Variants in PDHX observed in about 807,000 individuals in gnomAD.
The protein encoded by PDHX is pyruvate dehydrogenase protein X component, mitochondrial.
In PDHX, 33 loss-of-function variants were observed where a neutral mutation model predicts 55.3. The ratio of observed to expected loss-of-function variants is 0.60; its 90% confidence interval spans 0.45 to 0.80. The LOEUF (loss-of-function observed/expected upper bound fraction) is 0.80, where lower values mean the gene tolerates loss of function less well. Among genes scored for constraint, PDHX ranks in the 30% least tolerant of loss-of-function variants. The probability of loss-of-function intolerance (pLI) is 0.00; values close to 1 mark genes in which losing one functional copy is unlikely to be tolerated. For missense variants in PDHX, 622 were observed against 619.9 expected (o/e 1.00, Z -0.04); for synonymous variants, 226 against 219.4 (o/e 1.03, Z -0.27).
intron 2 of PDHX, among the ~76,000 whole-genome samples, chr11:34,936,798 TTTTTTTTC>T (rs1441368473): frequency 4.6e-5 from 6 of 129,070 alleles, no homozygotes; most frequent in African/African-American, 1.9e-4. Flanking sequence ...TTTTTTTTTT[TTTTTTTTC>T]TGAGACAGAG....
At chr11:34,916,138 G>T, upstream of PDHX, 4 of 1,512,326 alleles carry the variant, frequency 2.6e-6, no homozygotes, top group Middle Eastern at 2.3e-4. Flanking sequence ...CTAAACGCCC[G>T]GCCCGCTACC....
In PDHX at chr11:34,995,431, G is replaced by T. The variant is rs771515806; in HGVS notation, c.*259G>T. 5.8e-5 allele frequency: 25 copies of T among 434,056 alleles called. No individual in the cohort carries two copies. Among genetic ancestry groups the T allele is most frequent in the Non-Finnish European group, 9.4e-5 (22 of 234,438 alleles). The allele number at this position is 434,056 out of a possible 1,614,324, so 26.9% of individuals were successfully genotyped here. A position where few individuals can be genotyped will look rare whatever the true frequency, so the allele number is the denominator to read the frequency against. ...AGATCCATTTTTAACCTCTGGTGCTGTATAAAGGGAATATTAAACTAGATG... is the reference window on the plus strand; with the variant it reads ...AGATCCATTTTTAACCTCTGGTGCTTTATAAAGGGAATATTAAACTAGATG... On this transcript the variant is annotated 3_prime_UTR_variant, in exon 11 of 11. Coordinates refer to ENST00000227868, the MANE Select transcript of PDHX (RefSeq NM_003477.3).
At chr11:34,919,533 ATT>A (rs1205846983) in intron 1 of PDHX, among the ~76,000 whole-genome samples, 1 of 152,184 alleles carries the variant, frequency 6.6e-6, no homozygotes, top group Non-Finnish European at 1.5e-5. Context: ...AGAATTTCTC[ATT>A]CACTTCTCAC....
rs542745389 is a variant in PDHX at position 34,953,443 on chromosome 11, A to G, written c.343-3941A>G. Among the ~76,000 whole-genome samples the G allele has an allele frequency of 5.1e-4, 77 of 152,356 alleles. 1 individual carries two copies. Among genetic ancestry groups the G allele is most frequent in the African/African-American group, 1.6e-3 (68 of 41,588 alleles). On this transcript the variant is annotated intron_variant, in intron 3 of 10. Transcript: ENST00000227868. ...ATCATGCTACGTGACTTCAAAGTATACTACAAGGCTACAGTAACCAAAACA... is the reference window on the plus strand; with the variant it reads ...ATCATGCTACGTGACTTCAAAGTATGCTACAAGGCTACAGTAACCAAAACA...
intron 9 of PDHX, among the ~76,000 whole-genome samples, chr11:34,986,297 C>T (rs1350450281): frequency 1.7e-5 from 2 of 120,460 alleles, no homozygotes; most frequent in Non-Finnish European, 3.3e-5. Flanking sequence ...CAGAGCAAGA[C>T]ACTGTATCTC....
intron 1 of PDHX, among the ~76,000 whole-genome samples, chr11:34,920,449 C>T (rs1853847165): frequency 6.6e-6 from 1 of 152,120 alleles, no homozygotes; most frequent in African/African-American, 2.4e-5. Flanking sequence ...TAAAAGAACA[C>T]TAGAGCCTAC....
At chr11:34,992,511 G>A (rs1244832887) in intron 10 of PDHX, 132 bp downstream of exon 10, 2 of 600,200 alleles carry the variant, frequency 3.3e-6, no homozygotes, top group African/African-American at 3.7e-5. Context: ...TTAGACAATA[G>A]AATATCTGAA....
intron 5 of PDHX, among the ~76,000 whole-genome samples, chr11:34,962,833 T>C (rs547822440): frequency 3.9e-5 from 6 of 152,348 alleles, no homozygotes; most frequent in African/African-American, 1.2e-4. Context: ...GCAAATATCT[T>C]TTTTTAAACC....
intron 3 of PDHX, among the ~76,000 whole-genome samples, chr11:34,956,974 T>A (rs1854917439): frequency 6.6e-6 from 1 of 152,230 alleles, no homozygotes; most frequent in Non-Finnish European, 1.5e-5. Flanking sequence ...TAATCCCTTC[T>A]GAGCTTTTAG....
At chr11:34,957,321 A>G (rs893473061) in intron 3 of PDHX, 63 bp from the exon 4 acceptor site, 8 of 1,138,902 alleles carry the variant, frequency 7.0e-6, no homozygotes, top group African/African-American at 1.5e-5. Flanking sequence ...CAACAAAAGA[A>G]CAAACTACTT....
intron 3 of PDHX, among the ~76,000 whole-genome samples, chr11:34,952,832 T>C (rs1854808833): frequency 6.7e-6 from 1 of 149,720 alleles, no homozygotes; most frequent in Admixed American, 6.6e-5. Flanking sequence ...TGTTGGAAGT[T>C]CTGGCCAGGG....
chr11:34,916,466 G>A, upstream of PDHX: 1 of 1,461,934 alleles, frequency 6.8e-7, no homozygotes. Flanking sequence ...ATATCCAGCG[G>A]CGCACCTGAC....
chr11:34,982,602 T>C (rs1855542090), intron 8 of PDHX, among the ~76,000 whole-genome samples: 1 of 151,882 alleles, frequency 6.6e-6, no homozygotes, highest in South Asian at 2.1e-4. Context: ...TCACCACCGA[T>C]CCCACAGAAA....
At chr11:34,982,141 C>T (rs181981417) in intron 8 of PDHX, among the ~76,000 whole-genome samples, 2,471 of 152,240 alleles carry the variant, frequency 0.016, 64 homozygotes, top group African/African-American at 0.057. Flanking sequence ...TTAGGTCTAA[C>T]ATTTAAGTCT....
chr11:34,966,743 G>A lies in PDHX; in HGVS notation c.745G>A (p.Ala249Thr). The change falls in exon 6 of 11, where the codon GCC becomes ACC. Residue 249 changes from alanine to threonine, a missense_variant. Transcript: ENST00000227868. ...TCCCACAGCACCTTCGCCCCTACAGGCCACAGCTGGACCATCTTATCCCCG... is the reference window on the plus strand; with the variant it reads ...TCCCACAGCACCTTCGCCCCTACAGACCACAGCTGGACCATCTTATCCCCG... ...ATPTAPSPLQ[A>T]TAGPSYPRPV... 1 of 1,614,076 alleles carries A rather than the reference G, an allele frequency of 6.2e-7. No individual in the cohort carries two copies. Among genetic ancestry groups the A allele is most frequent in the Non-Finnish European group, 8.5e-7 (1 of 1,180,000 alleles).
intron 6 of PDHX, 38 bp from the exon 7 acceptor site, chr11:34,970,101 A>G (rs998869343): frequency 1.3e-6 from 2 of 1,595,394 alleles, no homozygotes; most frequent in Non-Finnish European, 1.7e-6. Flanking sequence ...TTTCTATTCC[A>G]CTTGTGGTTT....
intron 7 of PDHX, among the ~76,000 whole-genome samples, chr11:34,975,829 G>T (rs1565166850): frequency 6.6e-6 from 1 of 152,154 alleles, no homozygotes; most frequent in Non-Finnish European, 1.5e-5. Context: ...GTCAGGATGG[G>T]AACAGCTTTC....
At chr11:34,983,951 G>A (rs1044369304) in intron 8 of PDHX, among the ~76,000 whole-genome samples, 1 of 152,174 alleles carries the variant, frequency 6.6e-6, no homozygotes, top group Non-Finnish European at 1.5e-5. Flanking sequence ...AACCAAAAAA[G>A]AACCCGCATT....
chr11:34,943,432 T>A (rs891094270), intron 2 of PDHX, among the ~76,000 whole-genome samples: 11 of 152,218 alleles, frequency 7.2e-5, no homozygotes, highest in African/African-American at 2.4e-4. Flanking sequence ...TTTCTGTGGC[T>A]AGAGTCTGTT....
Sources: allele counts gnomAD v4.1 joint callset (sites outside exome capture counted in the v4.1 genomes callset), GRCh38; gene constraint gnomAD v4.1.1; transcripts MANE v1.5; gene names NCBI Gene and HGNC (gene_info 2026-07-23, HGNC 2026-07-21).